RNF217: variants seen among roughly 807,000 people sequenced by gnomAD.
RNF217 encodes E3 ubiquitin-protein ligase RNF217.
In RNF217, 31 loss-of-function variants were observed where a neutral mutation model predicts 57.8. The observed-to-expected ratio is 0.54, with a 90% confidence interval of 0.40 to 0.72. RNF217 has a LOEUF of 0.72. Ranked by LOEUF, RNF217 falls within the 30% of genes least tolerant of loss-of-function variation. The probability of loss-of-function intolerance (pLI) is 0.00; values close to 1 mark genes in which losing one functional copy is unlikely to be tolerated. For synonymous variants in RNF217, 313 were observed against 294.0 expected (o/e 1.06, Z -0.66); for missense variants, 696 against 708.3 (o/e 0.98, Z 0.20).
rs534603742 is a variant in RNF217, at chr6:125,091,081, A to G, written c.*8144A>G. 4.6e-5 allele frequency: 7 copies of G among 152,182 alleles called. No individual in the cohort carries two copies. Among genetic ancestry groups the G allele is most frequent in the African/African-American group, 1.7e-4 (7 of 41,560 alleles). The allele number at this position is 152,182 out of a possible 1,614,324, so 9.4% of individuals were successfully genotyped here. On this transcript the variant is annotated 3_prime_UTR_variant, in exon 6 of 6. Coordinates refer to ENST00000521654, the MANE Select transcript of RNF217 (RefSeq NM_001286398.3). ...TTTCTTACACTTTTTAGAGCAATCA[A>G]CTTATTTCCAAATTATTATTTCATG... is the stretch of plus-strand genomic sequence containing the variant.
chr6:125,037,955 C>G (rs575035), intron 1 of RNF217, among the ~76,000 whole-genome samples: 5 of 151,998 alleles, frequency 3.3e-5, no homozygotes, highest in African/African-American at 1.2e-4. Context: ...AGCAATGAGG[C>G]CTGAGATTTG....
chr6:124,974,278 G>A (rs960385577), intron 1 of RNF217, among the ~76,000 whole-genome samples: 3 of 152,162 alleles, frequency 2.0e-5, no homozygotes, highest in African/African-American at 7.2e-5. Flanking sequence ...AGAATGTGGT[G>A]AATTAGCTTT....
intron 1 of RNF217, among the ~76,000 whole-genome samples, chr6:124,998,476 AT>A (rs1209083478): frequency 6.6e-6 from 1 of 152,228 alleles, no homozygotes; most frequent in Non-Finnish European, 1.5e-5. Flanking sequence ...TTCTATATAC[AT>A]TTTTTTAATA....
At chr6:125,080,210 C>T (rs1788523512) in intron 4 of RNF217, among the ~76,000 whole-genome samples, 1 of 152,000 alleles carries the variant, frequency 6.6e-6, no homozygotes, top group South Asian at 2.1e-4. Flanking sequence ...GTGTACTAAA[C>T]GTAATTATTC....
At position 125,089,991 on chromosome 6, in the gene RNF217, CATA is replaced by C. The variant is rs1290604530; in HGVS notation, c.*7057_*7059del. 1 of 151,874 alleles carries C rather than the reference CATA, an allele frequency of 6.6e-6. No individual in the cohort carries two copies. The highest frequency in any genetic ancestry group is 2.4e-5 in the African/African-American group (1 of 41,356). 9.4% of individuals were successfully genotyped at this position (151,874 alleles called of 1,614,324 possible). On this transcript the variant is annotated 3_prime_UTR_variant, in exon 6 of 6. Transcript: ENST00000521654. Reference sequence around the variant, plus strand: ...ATAATGAAAAGTCTAGATAAAGTATCATAATTTCATTATCAGCTGACAAGAAAC... The same window carrying C: ...ATAATGAAAAGTCTAGATAAAGTATCATTTCATTATCAGCTGACAAGAAAC...
At chr6:125,006,544 A>G (rs746364626) in intron 1 of RNF217, among the ~76,000 whole-genome samples, 1 of 152,198 alleles carries the variant, frequency 6.6e-6, no homozygotes, top group Non-Finnish European at 1.5e-5. Context: ...CATAAACTTC[A>G]TAATTAATTT....
rs1788804174 is a variant in RNF217, at chr6:125,087,471, T to C, written c.*4534T>C. 6.6e-6 allele frequency: 1 copy of C among 152,154 alleles called. No individual in the cohort carries two copies. The highest frequency in any genetic ancestry group is 1.5e-5 in the Non-Finnish European group (1 of 68,014). The allele number at this position is 152,154 out of a possible 1,614,324, so 9.4% of individuals were successfully genotyped here. Reference sequence around the variant, plus strand: ...TATTGTTTTGTGTTAATATCTATTATAAATATAGCCTTAAAATTTTGTAAT... The same window carrying C: ...TATTGTTTTGTGTTAATATCTATTACAAATATAGCCTTAAAATTTTGTAAT... On this transcript the variant is annotated 3_prime_UTR_variant, in exon 6 of 6. Transcript: ENST00000521654.
intron 3 of RNF217, 113 bp from the exon 4 acceptor site, chr6:125,076,544 G>T (rs1251679831): frequency 3.0e-6 from 2 of 677,314 alleles, no homozygotes; most frequent in Admixed American, 2.2e-5. Flanking sequence ...GGAGTGCTGT[G>T]AGAGACTTTT....
chr6:124,992,493 G>A (rs1282008007), intron 1 of RNF217, among the ~76,000 whole-genome samples: 2 of 152,082 alleles, frequency 1.3e-5, no homozygotes, highest in Admixed American at 1.3e-4. Context: ...AGATGTAATG[G>A]CTGTTCTGCT....
intron 1 of RNF217, among the ~76,000 whole-genome samples, chr6:125,033,914 G>A (rs1234491339): frequency 6.6e-6 from 1 of 152,016 alleles, no homozygotes; most frequent in African/African-American, 2.4e-5. Flanking sequence ...GTATCTCATT[G>A]TGGTTTTGAT....
chr6:125,089,888 C>A lies in RNF217; in HGVS notation c.*6951C>A, dbSNP rs139855127. 4.0e-3 allele frequency: 608 copies of A among 152,158 alleles called. 5 individuals carry two copies. Among genetic ancestry groups the A allele is most frequent in the African/African-American group, 0.014 (584 of 41,514 alleles). 9.4% of individuals were successfully genotyped at this position (152,158 alleles called of 1,614,324 possible). A position where few individuals can be genotyped will look rare whatever the true frequency, so the allele number is the denominator to read the frequency against. ...CCCCATATATTTGTATTGTTTCAAG[C>A]CACTAGTATCTAAATTTTTGATATA... is the stretch of plus-strand genomic sequence containing the variant. On this transcript the variant is annotated 3_prime_UTR_variant, in exon 6 of 6. Coordinates refer to ENST00000521654, the MANE Select transcript of RNF217 (RefSeq NM_001286398.3).
At chr6:125,035,132 G>A (rs1454271350) in intron 1 of RNF217, among the ~76,000 whole-genome samples, 1 of 152,186 alleles carries the variant, frequency 6.6e-6, no homozygotes, top group East Asian at 1.9e-4. Flanking sequence ...ATACAATGAT[G>A]TCATCTGCAA....
chr6:124,995,267 T>C (rs1396855017), intron 1 of RNF217, among the ~76,000 whole-genome samples: 3 of 152,156 alleles, frequency 2.0e-5, no homozygotes, highest in African/African-American at 7.2e-5. Context: ...AATAATAAAA[T>C]GAAAGCTCAC....
At chr6:125,018,944 A>G (rs1432883649) in intron 1 of RNF217, among the ~76,000 whole-genome samples, 2 of 152,188 alleles carry the variant, frequency 1.3e-5, no homozygotes, top group Non-Finnish European at 2.9e-5. Flanking sequence ...CACATGTTCC[A>G]GCACTAACAG....
At chr6:125,026,689 CT>C (rs1786100010) in intron 1 of RNF217, among the ~76,000 whole-genome samples, 1 of 152,050 alleles carries the variant, frequency 6.6e-6, no homozygotes. Flanking sequence ...TACAAGTCAG[CT>C]TTTTTTAGGT....
At chr6:125,068,127 T>G (rs1044186681) in intron 3 of RNF217, among the ~76,000 whole-genome samples, 1 of 152,122 alleles carries the variant, frequency 6.6e-6, no homozygotes, top group African/African-American at 2.4e-5. Context: ...GCACAGCTCT[T>G]TAATGAGATA....
At chr6:125,053,112 A>C (rs1787389957) in intron 2 of RNF217, among the ~76,000 whole-genome samples, 1 of 152,022 alleles carries the variant, frequency 6.6e-6, no homozygotes, top group African/African-American at 2.4e-5. Flanking sequence ...TGTCCCTGTA[A>C]CATTCTACTC....
chr6:125,022,427 T>G (rs1376856481), intron 1 of RNF217, among the ~76,000 whole-genome samples: 3 of 152,178 alleles, frequency 2.0e-5, no homozygotes, highest in Non-Finnish European at 2.9e-5. Flanking sequence ...TAGGAAACTC[T>G]GGGGAAGTTG....
At chr6:125,079,119 C>T (rs1018540836) in intron 4 of RNF217, among the ~76,000 whole-genome samples, 1 of 152,036 alleles carries the variant, frequency 6.6e-6, no homozygotes, top group African/African-American at 2.4e-5. Flanking sequence ...GTCTTCATTC[C>T]GTGTAACCAC....
Sources: gnomAD v4.1 joint callset for allele counts (sites outside exome capture counted in the v4.1 genomes callset) on GRCh38, gnomAD v4.1.1 for gene constraint, MANE v1.5 for transcripts, NCBI Gene and HGNC (gene_info 2026-07-23, HGNC 2026-07-21) for gene names.